PUDP: variants seen among roughly 807,000 people sequenced by gnomAD.
PUDP encodes the protein pseudouridine-5'-phosphatase.
Under a neutral mutation model 9.4 loss-of-function variants are expected in PUDP, and 8 were observed. That is an observed-to-expected ratio of 0.85 (90% CI 0.50 to 1.53). The LOEUF is 1.53. Ranked by LOEUF, PUDP falls within the 40% of genes most tolerant of loss-of-function variation. The probability of loss-of-function intolerance (pLI) is 0.00; values close to 1 mark genes in which losing one functional copy is unlikely to be tolerated. For missense variants in PUDP, 188 were observed against 189.7 expected (o/e 0.99, Z 0.05); for synonymous variants, 99 against 80.7 (o/e 1.23, Z -1.22).
chrX:6,931,976 C>T (rs745961136), intron 3 of PUDP, among the ~76,000 whole-genome samples: 2 of 112,189 alleles, frequency 1.8e-5, no homozygotes, highest in African/African-American at 6.5e-5. Flanking sequence ...CACCCAAATG[C>T]TTTTAAATCA....
chrX:6,758,254 G>A (rs1925191436), intron 3 of PUDP, among the ~76,000 whole-genome samples: 1 of 111,297 alleles, frequency 9.0e-6, no homozygotes, highest in Non-Finnish European at 1.9e-5. Context: ...TTGAGCCCAG[G>A]AGTTCAAGAC....
intron 3 of PUDP, among the ~76,000 whole-genome samples, chrX:7,075,753 G>A (rs976602795): frequency 4.5e-5 from 5 of 111,753 alleles, no homozygotes; most frequent in East Asian, 2.8e-4. Context: ...GCAACCACCC[G>A]CCATACATTG....
intron 3 of PUDP, among the ~76,000 whole-genome samples, chrX:6,909,933 T>C (rs1927824580): frequency 8.9e-6 from 1 of 112,547 alleles, no homozygotes; most frequent in African/African-American, 3.2e-5. Flanking sequence ...ACTCCTCTTC[T>C]GTGGAAACAG....
chrX:6,733,171 G>A (rs1924831489), intron 3 of PUDP, among the ~76,000 whole-genome samples: 1 of 112,149 alleles, frequency 8.9e-6, no homozygotes, highest in Non-Finnish European at 1.9e-5. Flanking sequence ...TGCTGGGTAT[G>A]GGGAGTGGAC....
At chrX:6,713,727 C>T (rs930480776) in intron 1 of PUDP, among the ~76,000 whole-genome samples, 8 of 110,703 alleles carry the variant, frequency 7.2e-5, no homozygotes, top group East Asian at 2.9e-4. Flanking sequence ...CACAACCAGG[C>T]CAGGGCATAG....
At chrX:7,051,981 C>T (rs1930113402) in intron 3 of PUDP, among the ~76,000 whole-genome samples, 1 of 111,272 alleles carries the variant, frequency 9.0e-6, no homozygotes, top group Non-Finnish European at 1.9e-5. Context: ...TGAGGTGGGG[C>T]CTTTCAGCTC....
At chrX:7,038,069 A>G (rs751709672) in intron 1 of PUDP, among the ~76,000 whole-genome samples, 1 of 112,710 alleles carries the variant, frequency 8.9e-6, no homozygotes, top group African/African-American at 3.2e-5. Flanking sequence ...TTGCTTATAT[A>G]GACAGCCACA....
rs1340291922 is a variant in PUDP at position 7,105,921 on chromosome X, TGTAG to T, written c.62-87_62-84del. On this transcript the variant is annotated intron_variant, in intron 1 of 3. Coordinates refer to ENST00000381077, the MANE Select transcript of PUDP (RefSeq NM_012080.5). ...ATCAGGTCCGCATAAACATACACTG[TGTAG>T]GTCTCATTCCATGAACAAAGGCTTT... 1.1e-5 allele frequency: 7 copies of T among 620,504 alleles called. No individual in the cohort carries two copies. In the African/African-American group the frequency reaches 1.6e-4, roughly 14 times the overall value. The allele number at this position is 620,504 out of a possible 1,213,427, so 51.1% of individuals were successfully genotyped here.
At chrX:6,805,088 G>A (rs1371420059) in intron 3 of PUDP, among the ~76,000 whole-genome samples, 3 of 110,192 alleles carry the variant, frequency 2.7e-5, no homozygotes, top group African/African-American at 9.9e-5. Flanking sequence ...GCAACATGGC[G>A]AGACCTCATC....
intron 3 of PUDP, among the ~76,000 whole-genome samples, chrX:6,966,075 T>C (rs781320824): frequency 2.7e-5 from 3 of 111,340 alleles, no homozygotes; most frequent in African/African-American, 6.5e-5. Flanking sequence ...GGATGTAAGT[T>C]TGGTCCCACA....
chrX:6,718,395 T>C (rs1433288915), intron 1 of PUDP, among the ~76,000 whole-genome samples: 5 of 112,434 alleles, frequency 4.4e-5, no homozygotes, highest in Non-Finnish European at 7.5e-5. Flanking sequence ...ACATATTCCA[T>C]GGAATATTTA....
intron 3 of PUDP, among the ~76,000 whole-genome samples, chrX:6,969,355 G>A (rs1928836425): frequency 8.9e-6 from 1 of 112,061 alleles, no homozygotes; most frequent in Admixed American, 9.4e-5. Context: ...CCACACCAAG[G>A]CAGACTGTGT....
rs770816628 is a variant in PUDP at position 6,964,483 on chromosome X, C to T, written c.*247+12650G>A. Among the ~76,000 whole-genome samples the T allele has an allele frequency of 1.9e-4, 21 of 110,667 alleles. No individual in the cohort carries two copies. In the East Asian group the frequency reaches 2.6e-3, roughly 14 times the overall value. ...AGCCTGGGAGGTTGAGACCAGCTTG[C>T]GCAACATAGTGAGACTCTGTCTCTA... is the stretch of plus-strand genomic sequence containing the variant. On this transcript the variant is annotated intron_variant and NMD_transcript_variant, in intron 3 of 3. Coordinates refer to the PUDP transcript ENST00000655425.
At chrX:7,028,491 G>T (rs1929749241) in intron 1 of PUDP, among the ~76,000 whole-genome samples, 1 of 111,439 alleles carries the variant, frequency 9.0e-6, no homozygotes, top group African/African-American at 3.3e-5. Context: ...GAAGTCAGCA[G>T]TGGGAATGTG....
chrX:7,010,948 A>C (rs1484798910), intron 1 of PUDP, among the ~76,000 whole-genome samples: 1 of 112,195 alleles, frequency 8.9e-6, no homozygotes, highest in Non-Finnish European at 1.9e-5. Flanking sequence ...GACCTGATTA[A>C]ATGTCTTCAA....
At chrX:7,050,973 T>C (rs1463675618) in intron 3 of PUDP, among the ~76,000 whole-genome samples, 3 of 112,188 alleles carry the variant, frequency 2.7e-5, no homozygotes, top group Admixed American at 1.9e-4. Flanking sequence ...ACGTGACAAA[T>C]GAGCACGAAA....
At chrX:7,147,681 A>G (rs1265890169) in intron 1 of PUDP, among the ~76,000 whole-genome samples, 1 of 112,080 alleles carries the variant, frequency 8.9e-6, no homozygotes, top group Non-Finnish European at 1.9e-5. Context: ...TGCGTAACCG[A>G]AAAGAGAGCG....
intron 3 of PUDP, among the ~76,000 whole-genome samples, chrX:6,727,739 TG>T (rs1192104013): frequency 1.8e-5 from 2 of 111,865 alleles, no homozygotes; most frequent in African/African-American, 6.5e-5. Flanking sequence ...TGTAGAATTA[TG>T]GGGGGCTACC....
chrX:6,892,264 T>C (rs1363492848), intron 3 of PUDP, among the ~76,000 whole-genome samples: 2 of 112,092 alleles, frequency 1.8e-5, no homozygotes, highest in Admixed American at 1.9e-4. Context: ...CCTACTGCTA[T>C]GGACTGAGTT....
Sources: gnomAD v4.1 joint callset for allele counts (sites outside exome capture counted in the v4.1 genomes callset) on GRCh38, gnomAD v4.1.1 for gene constraint, MANE v1.5 for transcripts, NCBI Gene and HGNC (gene_info 2026-07-23, HGNC 2026-07-21) for gene names.